KDM4C: variants seen among roughly 807,000 people sequenced by gnomAD.
KDM4C encodes lysine demethylase 4C.
Under a neutral mutation model 129.3 loss-of-function variants are expected in KDM4C, and 81 were observed. The ratio of observed to expected loss-of-function variants is 0.63; its 90% CI spans 0.52 to 0.75. The LOEUF (loss-of-function observed/expected upper bound fraction) is 0.75, where lower values mean the gene tolerates loss of function less well. Among genes scored for constraint, KDM4C ranks in the 30% least tolerant of loss-of-function variants. The pLI is 0.00. For synonymous variants in KDM4C, 573 were observed against 456.1 expected, an observed-to-expected ratio of 1.26 and a Z score of -3.26; for missense variants, 1,457 against 1,304.0, an observed-to-expected ratio of 1.12 and a Z score of -1.81.
chr9:6,915,237 T>G (rs1050882239), intron 8 of KDM4C, among the ~76,000 whole-genome samples: 2 of 152,222 alleles, frequency 1.3e-5, no homozygotes, highest in African/African-American at 4.8e-5. Flanking sequence ...CGTGATCTCT[T>G]TCTACTGTTT....
intron 15 of KDM4C, among the ~76,000 whole-genome samples, chr9:7,042,231 A>G (rs371877311): frequency 1.4e-4 from 21 of 152,064 alleles, no homozygotes; most frequent in South Asian, 1.2e-3. Flanking sequence ...TCATAAGAGT[A>G]ATAAATGGCA....
At chr9:7,057,742 G>A (rs10976011) in intron 17 of KDM4C, among the ~76,000 whole-genome samples, 13,907 of 152,186 alleles carry the variant, frequency 0.091, 789 homozygotes, top group East Asian at 0.18. Flanking sequence ...TTAAACTGGC[G>A]TGTTCTGTCA....
intron 4 of KDM4C, among the ~76,000 whole-genome samples, chr9:6,846,099 C>T (rs1215442262): frequency 6.6e-6 from 1 of 152,162 alleles, no homozygotes; most frequent in East Asian, 1.9e-4. Context: ...AAGAATGCAG[C>T]AGCTTCACGT....
intron 4 of KDM4C, among the ~76,000 whole-genome samples, chr9:6,847,262 A>G (rs1389102623): frequency 6.6e-6 from 1 of 152,156 alleles, no homozygotes; most frequent in Non-Finnish European, 1.5e-5. Flanking sequence ...GGACTCTATT[A>G]TTAGAGTGAT....
At chr9:6,992,209 A>T (rs1468321123) in intron 12 of KDM4C, among the ~76,000 whole-genome samples, 1 of 152,182 alleles carries the variant, frequency 6.6e-6, no homozygotes, top group African/African-American at 2.4e-5. Flanking sequence ...GGCTGTACCA[A>T]CACATAGAGA....
chr9:6,810,908 G>A (rs557866628), intron 3 of KDM4C, among the ~76,000 whole-genome samples: 141 of 152,164 alleles, frequency 9.3e-4, no homozygotes, highest in Non-Finnish European at 1.6e-3. Flanking sequence ...AAGTTAATTG[G>A]TCTTTTGATT....
intron 19 of KDM4C, among the ~76,000 whole-genome samples, chr9:7,151,922 G>A (rs1842766469): frequency 6.6e-6 from 1 of 152,174 alleles, no homozygotes; most frequent in Admixed American, 6.5e-5. Context: ...CAGAAGAAGG[G>A]GCACAGAATT....
At position 6,871,889 on chromosome 9, in the gene KDM4C, T is replaced by C. The variant is rs532148413; in HGVS notation, c.630-8123T>C. On this transcript the variant is annotated intron_variant, in intron 5 of 21. Transcript: ENST00000381309. Reference sequence around the variant, plus strand: ...AATGATGTGTGCACATTGAGCAGCATCTTGCTTTGGGAAGTAGTATATAAT... The same window carrying C: ...AATGATGTGTGCACATTGAGCAGCACCTTGCTTTGGGAAGTAGTATATAAT... Among the ~76,000 whole-genome samples, 15 of 152,280 alleles carry C rather than the reference T, an allele frequency of 9.9e-5. No homozygotes were observed. In the East Asian group the frequency reaches 1.7e-3, roughly 18 times the overall value.
chr9:6,864,725 C>T lies in KDM4C; in HGVS notation c.629+15025C>T, dbSNP rs943004740. ...ATTTCTTTGAGTAAGCTTTCTACTCCTTGCTCTTGCTCAGTTCCCCCTTGA... is the reference window on the plus strand; with the variant it reads ...ATTTCTTTGAGTAAGCTTTCTACTCTTTGCTCTTGCTCAGTTCCCCCTTGA... On this transcript the variant is annotated intron_variant, in intron 5 of 21. Transcript: ENST00000381309. Among the ~76,000 whole-genome samples the T allele has an allele frequency of 7.2e-5, 11 of 151,782 alleles. No individual in the cohort carries two copies. In the South Asian group the frequency reaches 1.5e-3, roughly 20 times the overall value.
intron 3 of KDM4C, among the ~76,000 whole-genome samples, chr9:6,805,994 A>G (rs977684486): frequency 7.9e-5 from 12 of 152,240 alleles, no homozygotes; most frequent in African/African-American, 2.7e-4. Flanking sequence ...CCTAGCAGTT[A>G]TAAGTGGAAC....
chr9:7,138,967 T>C (rs1186006792), intron 19 of KDM4C, among the ~76,000 whole-genome samples: 1 of 152,180 alleles, frequency 6.6e-6, no homozygotes, highest in African/African-American at 2.4e-5. Context: ...ATTTACTCTT[T>C]CTAGCCTTTA....
intron 3 of KDM4C, among the ~76,000 whole-genome samples, chr9:6,814,086 T>C (rs1055180703): frequency 6.6e-6 from 1 of 152,182 alleles, no homozygotes; most frequent in Non-Finnish European, 1.5e-5. Context: ...TTTATATGTT[T>C]AGAAAAATTA....
intron 17 of KDM4C, among the ~76,000 whole-genome samples, chr9:7,079,875 G>T (rs577682082): frequency 3.5e-4 from 54 of 152,250 alleles, no homozygotes; most frequent in African/African-American, 1.1e-3. Flanking sequence ...AGCTTGATCT[G>T]CATGAGAGTG....
At position 7,013,788 on chromosome 9, in the gene KDM4C, C is replaced by A; in HGVS notation, c.1969C>A (p.Pro657Thr). 6.2e-7 allele frequency: 1 copy of A among 1,613,078 alleles called. No individual in the cohort carries two copies. Among genetic ancestry groups the A allele is most frequent in the Non-Finnish European group, 8.5e-7 (1 of 1,179,542 alleles). Residue 657 changes from proline to threonine, a missense_variant and splice_region_variant, in exon 14 of 22, where the codon CCA becomes ACA. Transcript: ENST00000381309. ...ICTLLMPYHK[P>T]DSSNEENDAR... is the part of the protein sequence containing the mutation. ...CATGTGGAAACGTTATGTTTTTCAG[C>A]CAGATAGCAGCAATGAAGAAAATGA...
chr9:6,894,724 T>A (rs1588976051), intron 8 of KDM4C, among the ~76,000 whole-genome samples: 2 of 151,668 alleles, frequency 1.3e-5, no homozygotes, highest in Admixed American at 1.3e-4. Flanking sequence ...GGGTGTGGAG[T>A]GGAAGGAAGA....
chr9:6,847,935 A>G (rs116273329), intron 4 of KDM4C, among the ~76,000 whole-genome samples: 2,296 of 152,342 alleles, frequency 0.015, 43 homozygotes, highest in African/African-American at 0.053. Context: ...CCAAAATGAA[A>G]ACAGAACAAC....
At chr9:7,091,323 A>C (rs1369542413) in intron 17 of KDM4C, among the ~76,000 whole-genome samples, 1 of 11,204 alleles carries the variant, frequency 8.9e-5, no homozygotes, top group Non-Finnish European at 2.4e-4. Context: ...CAATAAAAGA[A>C]AAAAAAAAAG....
chr9:7,095,564 C>T (rs1836324467), intron 17 of KDM4C, among the ~76,000 whole-genome samples: 1 of 151,750 alleles, frequency 6.6e-6, no homozygotes, highest in African/African-American at 2.4e-5. Context: ...GCTTGTAAGC[C>T]AGCCTTCCTA....
chr9:6,814,728 G>C lies in KDM4C; in HGVS notation c.418G>C (p.Gly140Arg). ...ACCTATCTATGGTGCAGATATTAAT[G>C]GGAGCATATATGATGAGGTACATTC... ...VAPIYGADINGSIYDEGVDEW... is the reference protein window; with the variant it reads ...VAPIYGADINRSIYDEGVDEW... The change falls in exon 4 of 22, where the codon GGG (glycine) becomes CGG (arginine). Residue 140 changes from glycine (G) to arginine (R), a missense_variant. Physicochemically the swap from Gly to Arg is moderately radical, Grantham distance 125. Coordinates refer to ENST00000381309, the MANE Select transcript of KDM4C (RefSeq NM_015061.6). 1.3e-6 allele frequency: 2 copies of C among 1,597,936 alleles called. No homozygotes were observed. The highest frequency in any genetic ancestry group is 8.6e-7 in the Non-Finnish European group (1 of 1,166,546).
Sources: gnomAD v4.1 joint callset for allele counts (sites outside exome capture counted in the v4.1 genomes callset) on GRCh38, gnomAD v4.1.1 for gene constraint, MANE v1.5 for transcripts, NCBI Gene and HGNC (gene_info 2026-07-23, HGNC 2026-07-21) for gene names.